The following CDH4 variants were observed in gnomAD, a reference collection of about 807,000 sequenced individuals.
The protein encoded by CDH4 is cadherin-4.
CDH4 carries 33 observed loss-of-function variants against 86.0 expected under a neutral mutation model. That is an observed-to-expected ratio of 0.38 (90% CI 0.29 to 0.51). The LOEUF is 0.51. Among genes scored for constraint, CDH4 ranks in the 20% least tolerant of loss-of-function variants. CDH4 has a pLI of 0.86. For synonymous variants in CDH4, 555 were observed against 549.4 expected, an observed-to-expected ratio of 1.01 and a Z score of -0.14; for missense variants, 1,114 against 1,307.4, an observed-to-expected ratio of 0.85 and a Z score of 2.28.
At chr20:61,526,989 A>G (rs2085915519) in intron 2 of CDH4, among the ~76,000 whole-genome samples, 1 of 152,254 alleles carries the variant, frequency 6.6e-6, no homozygotes, top group African/African-American at 2.4e-5. Flanking sequence ...CAGCAGTGAC[A>G]GTGTGTGGGA....
intron 2 of CDH4, among the ~76,000 whole-genome samples, chr20:61,647,548 T>TCCCC (rs1252100896): frequency 9.2e-6 from 1 of 108,484 alleles, no homozygotes; most frequent in Non-Finnish European, 2.1e-5. Context: ...TCCCTCTCCC[T>TCCCC]CTCCCTCTCC....
chr20:61,318,057 C>G (rs2084486642), intron 2 of CDH4, among the ~76,000 whole-genome samples: 1 of 152,128 alleles, frequency 6.6e-6, no homozygotes, highest in South Asian at 2.1e-4. Flanking sequence ...GGGTGGTTTC[C>G]TGCTCTCCGT....
At chr20:61,801,409 C>G in intron 4 of CDH4, among the ~76,000 whole-genome samples, 1 of 152,190 alleles carries the variant, frequency 6.6e-6, no homozygotes, top group East Asian at 1.9e-4. Context: ...GACGTCATCC[C>G]GAAGCCACCT....
intron 2 of CDH4, among the ~76,000 whole-genome samples, chr20:61,424,617 T>C (rs987036914): frequency 3.9e-5 from 6 of 152,208 alleles, no homozygotes; most frequent in African/African-American, 1.4e-4. Context: ...TAGAGGCCAC[T>C]CCTAGGCCAG....
In CDH4 at chr20:61,301,721, G is replaced by A. The variant is rs375558604; in HGVS notation, c.169+46784G>A. ...CACATCAAAATATTTCAGGCAGTGG[G>A]GAGACAGGAAGCCTGATGGTCCCTG... On this transcript the variant is annotated intron_variant, in intron 2 of 15. Coordinates refer to ENST00000614565, the MANE Select transcript of CDH4 (RefSeq NM_001794.5). Among the ~76,000 whole-genome samples, 8 of 152,286 alleles carry A rather than the reference G, an allele frequency of 5.3e-5. No individual in the cohort carries two copies. In the South Asian group the frequency reaches 1.7e-3, roughly 32 times the overall value.
intron 2 of CDH4, among the ~76,000 whole-genome samples, chr20:61,426,010 C>G (rs2145509289): frequency 6.6e-6 from 1 of 152,362 alleles, no homozygotes; most frequent in Admixed American, 6.5e-5. Context: ...TCACATGCAA[C>G]AAATAGTTAC....
chr20:61,512,692 C>T (rs1260914448), intron 2 of CDH4, among the ~76,000 whole-genome samples: 1 of 152,194 alleles, frequency 6.6e-6, no homozygotes, highest in Admixed American at 6.5e-5. Context: ...CTCACCGTCT[C>T]ATTTCTCAGT....
At chr20:61,466,838 G>A (rs921333064) in intron 2 of CDH4, among the ~76,000 whole-genome samples, 4 of 139,044 alleles carry the variant, frequency 2.9e-5, no homozygotes, top group African/African-American at 1.1e-4. Flanking sequence ...GTGACAAAGT[G>A]AGACGCTGCC....
chr20:61,573,763 A>G (rs2086362821), intron 2 of CDH4, among the ~76,000 whole-genome samples: 1 of 152,214 alleles, frequency 6.6e-6, no homozygotes, highest in Non-Finnish European at 1.5e-5. Flanking sequence ...CTCCCATGGC[A>G]GAAATCCCAT....
intron 7 of CDH4, among the ~76,000 whole-genome samples, chr20:61,881,868 C>G (rs762528966): frequency 2.6e-5 from 4 of 152,246 alleles, no homozygotes; most frequent in Non-Finnish European, 2.9e-5. Context: ...GGGGCCTTTG[C>G]AGGTGTAAAG....
chr20:61,928,450 G>T, intron 12 of CDH4, 27 bp downstream of exon 12: 1 of 1,599,274 alleles, frequency 6.3e-7, no homozygotes, highest in Non-Finnish European at 8.5e-7. Flanking sequence ...CCACGGGGAG[G>T]GTCAGACTAG....
chr20:61,704,143 C>G (rs1423420322), intron 2 of CDH4, among the ~76,000 whole-genome samples: 1 of 152,050 alleles, frequency 6.6e-6, no homozygotes, highest in East Asian at 1.9e-4. Context: ...GGACAGTCCT[C>G]GGCATCTCCA....
chr20:61,491,569 T>C (rs2085625872), intron 2 of CDH4, among the ~76,000 whole-genome samples: 1 of 152,196 alleles, frequency 6.6e-6, no homozygotes, highest in Admixed American at 6.5e-5. Context: ...TACGCAAAAA[T>C]TGTGATGCAG....
intron 2 of CDH4, among the ~76,000 whole-genome samples, chr20:61,729,641 G>C (rs2088154942): frequency 6.6e-6 from 1 of 152,332 alleles, no homozygotes; most frequent in African/African-American, 2.4e-5. Context: ...ATTCAACAAA[G>C]ACGTGGAGAC....
chr20:61,270,969 G>A (rs769372880), intron 2 of CDH4, among the ~76,000 whole-genome samples: 4 of 152,124 alleles, frequency 2.6e-5, no homozygotes, highest in Admixed American at 6.5e-5. Flanking sequence ...CGATCTAGCC[G>A]CCCTGACACA....
intron 2 of CDH4, among the ~76,000 whole-genome samples, chr20:61,277,849 G>A (rs886915979): frequency 1.6e-4 from 25 of 152,296 alleles, no homozygotes; most frequent in African/African-American, 5.3e-4. Flanking sequence ...CTTTCTGTGC[G>A]GTGTAGCTCA....
chr20:61,760,717 C>T (rs1387890309), intron 3 of CDH4, among the ~76,000 whole-genome samples: 3 of 152,208 alleles, frequency 2.0e-5, no homozygotes. Flanking sequence ...GTTCAGGAAA[C>T]CTTTCCTTGT....
chr20:61,652,737 C>T (rs1434852820), intron 2 of CDH4, among the ~76,000 whole-genome samples: 1 of 150,304 alleles, frequency 6.7e-6, no homozygotes, highest in Non-Finnish European at 1.5e-5. Flanking sequence ...TGAATTTTTC[C>T]TGGGTAGATT....
At chr20:61,928,145 G>A (rs1389913690) in intron 11 of CDH4, 45 bp from the exon 12 acceptor site, 4 of 1,470,858 alleles carry the variant, frequency 2.7e-6, no homozygotes, top group Non-Finnish European at 3.8e-6. Flanking sequence ...GTTGGTCATG[G>A]AGTACCAGGA....
Sources: gnomAD v4.1 joint callset for allele counts (sites outside exome capture counted in the v4.1 genomes callset) on GRCh38, gnomAD v4.1.1 for gene constraint, MANE v1.5 for transcripts, NCBI Gene and HGNC (gene_info 2026-07-23, HGNC 2026-07-21) for gene names.